The following PPFIBP1 variants were observed in gnomAD, a reference collection of about 807,000 sequenced individuals.
PPFIBP1 encodes the protein PPFIB scaffold protein 1.
Under a neutral mutation model 137.8 loss-of-function variants are expected in PPFIBP1, and 112 were observed. The ratio of observed to expected loss-of-function variants is 0.81; its 90% CI spans 0.70 to 0.95. The LOEUF (loss-of-function observed/expected upper bound fraction) is 0.95, where lower values mean the gene tolerates loss of function less well. PPFIBP1 is among the 40% of genes least tolerant of loss of function. PPFIBP1 has a pLI of 0.00. For synonymous variants in PPFIBP1, 378 were observed against 417.3 expected, an observed-to-expected ratio of 0.91 and a Z score of 1.15; for missense variants, 1,083 against 1,196.6, an observed-to-expected ratio of 0.91 and a Z score of 1.40.
At chr12:27,623,708 CA>C (rs540374642) in intron 2 of PPFIBP1, among the ~76,000 whole-genome samples, 1 of 149,444 alleles carries the variant, frequency 6.7e-6, no homozygotes, top group Non-Finnish European at 1.5e-5. Flanking sequence ...GACCTTGTCT[CA>C]AAAAAAACAA....
At chr12:27,657,516 T>C (rs2059280258) in intron 9 of PPFIBP1, among the ~76,000 whole-genome samples, 1 of 151,184 alleles carries the variant, frequency 6.6e-6, no homozygotes, top group South Asian at 2.1e-4. Flanking sequence ...CCAGTTAGCG[T>C]AGCTTTGTTA....
rs760963950 is a variant in PPFIBP1, at chr12:27,689,179, T to C, written c.2661T>C (p.Leu887=). ...CCATGGAGCTGCCGGATTATGTACT[T>C]CTAACAGCTACTGCCAAAGTGAAGG... The part of the protein sequence containing the change: ...RDAMELPDYV[L]LTATAKVKPK... The change falls in exon 27 of 30, where the codon CTT becomes CTC. Residue 887 remains leucine (L), a synonymous_variant. Coordinates refer to ENST00000228425, the MANE Select transcript of PPFIBP1 (RefSeq NM_003622.4). The C allele has an allele frequency of 3.9e-5, 62 of 1,576,894 alleles. No individual in the cohort carries two copies. In the Admixed American group the frequency reaches 1.2e-3, roughly 31 times the overall value.
intron 1 of PPFIBP1, among the ~76,000 whole-genome samples, chr12:27,562,737 G>A (rs897493735): frequency 3.3e-5 from 5 of 152,066 alleles, no homozygotes; most frequent in Admixed American, 3.3e-4. Flanking sequence ...TTCTCCCATT[G>A]CCAGCTCTTG....
At chr12:27,676,941 G>A (rs753996190) in intron 18 of PPFIBP1, 123 bp from the exon 19 acceptor site, 130 of 1,241,988 alleles carry the variant, frequency 1.0e-4, no homozygotes, top group East Asian at 4.7e-4. Context: ...ACTGTGTGCC[G>A]CATGCCTCTC....
intron 1 of PPFIBP1, among the ~76,000 whole-genome samples, chr12:27,568,613 C>T (rs1000642867): frequency 7.9e-5 from 12 of 152,296 alleles, no homozygotes; most frequent in Middle Eastern, 6.8e-3. Flanking sequence ...TTAACAGAGC[C>T]GGCTTCCCTA....
chr12:27,649,003 A>T (rs6487627), intron 6 of PPFIBP1, among the ~76,000 whole-genome samples: 44,342 of 152,134 alleles, frequency 0.29, 6,907 homozygotes, highest in African/African-American at 0.4. Context: ...ATAACTGGAT[A>T]GTTTGTAACA....
At chr12:27,624,567 T>C (rs1264087134) in intron 2 of PPFIBP1, among the ~76,000 whole-genome samples, 1 of 152,254 alleles carries the variant, frequency 6.6e-6, no homozygotes, top group African/African-American at 2.4e-5. Flanking sequence ...TACCTCATCC[T>C]ATTTTCCCTT....
At chr12:27,588,892 G>A (rs1297705476) in intron 2 of PPFIBP1, among the ~76,000 whole-genome samples, 1 of 152,182 alleles carries the variant, frequency 6.6e-6, no homozygotes, top group Non-Finnish European at 1.5e-5. Flanking sequence ...TTTTGTCTTG[G>A]TACTTCTTGA....
Position 27,542,424 on chromosome 12 carries a change from G to T in PPFIBP1, c.-124+18059G>T, listed in dbSNP as rs532055736. ...TTAAAAAGATTAAGTTGAGATTGGT[G>T]CAAAAGTAATTGCGGTTTTTGCCAT... On this transcript the variant is annotated intron_variant, in intron 1 of 29. Transcript: ENST00000228425. 1.8e-4 allele frequency among the ~76,000 whole-genome samples: 27 copies of T among 152,322 alleles called. No homozygotes were observed. In the South Asian group the frequency reaches 5.4e-3, roughly 30 times the overall value.
At chr12:27,633,742 T>C (rs2057423547) in intron 3 of PPFIBP1, among the ~76,000 whole-genome samples, 1 of 152,076 alleles carries the variant, frequency 6.6e-6, no homozygotes, top group African/African-American at 2.4e-5. Flanking sequence ...CTGTGGACCA[T>C]ACTTTGAGGG....
At chr12:27,570,381 T>A (rs879607858) in intron 1 of PPFIBP1, among the ~76,000 whole-genome samples, 5 of 152,156 alleles carry the variant, frequency 3.3e-5, no homozygotes, top group Admixed American at 3.3e-4. Context: ...TGACAGATCA[T>A]ATAGCTAAAA....
chr12:27,635,610 G>C (rs181438216), intron 4 of PPFIBP1: 106 of 170,784 alleles, frequency 6.2e-4, no homozygotes, highest in Middle Eastern at 3.1e-3. Flanking sequence ...TTAAATTGTG[G>C]AGTTGGGCCT....
intron 2 of PPFIBP1, among the ~76,000 whole-genome samples, chr12:27,626,505 G>A (rs1413834170): frequency 1.1e-4 from 17 of 152,098 alleles, no homozygotes; most frequent in Non-Finnish European, 1.2e-4. Flanking sequence ...GAAAAACACC[G>A]ATTGCTGGGC....
Position 27,635,088 on chromosome 12 carries a change from G to A in PPFIBP1, c.243G>A (p.Thr81=), listed in dbSNP as rs2075378. 550,138 of 1,613,634 alleles carry A rather than the reference G, an allele frequency of 0.34. 95,778 individuals are homozygous for A. Among genetic ancestry groups the A allele is most frequent in the South Asian group, 0.43 (39,188 of 91,076 alleles). The change falls in exon 4 of 30, where the codon ACG becomes ACA. Residue 81 remains threonine, a synonymous_variant. Transcript: ENST00000228425. ...AGATCCCAGATTCAACAGCAGAAACGCTTGTTGAATGGCTTCAGAGTCAAA... is the reference window on the plus strand; with the variant it reads ...AGATCCCAGATTCAACAGCAGAAACACTTGTTGAATGGCTTCAGAGTCAAA... ...RCQIPDSTAE[T]LVEWLQSQMT...
intron 1 of PPFIBP1, among the ~76,000 whole-genome samples, chr12:27,549,792 C>T (rs1458566540): frequency 3.3e-5 from 5 of 152,198 alleles, no homozygotes; most frequent in Non-Finnish European, 1.5e-5. Context: ...CACACAACTG[C>T]CCCGCCCTCT....
intron 14 of PPFIBP1, among the ~76,000 whole-genome samples, chr12:27,672,150 A>G (rs1028037314): frequency 1.3e-5 from 2 of 152,168 alleles, no homozygotes; most frequent in Admixed American, 6.5e-5. Context: ...ATTGTAAACT[A>G]AATAGTCACA....
intron 2 of PPFIBP1, among the ~76,000 whole-genome samples, chr12:27,601,570 G>A (rs2053996461): frequency 6.6e-6 from 1 of 152,218 alleles, no homozygotes; most frequent in Admixed American, 6.5e-5. Context: ...CAGTCTCTGA[G>A]TTATGTGTTT....
At chr12:27,593,717 A>G in intron 2 of PPFIBP1, 1 of 622,854 alleles carries the variant, frequency 1.6e-6, no homozygotes, top group Non-Finnish European at 2.8e-6. Flanking sequence ...CTCCATTTAG[A>G]AGCCTATTAG....
intron 7 of PPFIBP1, chr12:27,654,519 A>T: frequency 5.4e-6 from 3 of 551,496 alleles, no homozygotes; most frequent in Non-Finnish European, 8.6e-6. Context: ...GGGCAGACGC[A>T]TTGGGGATTT....
Sources: allele counts gnomAD v4.1 joint callset (sites outside exome capture counted in the v4.1 genomes callset), GRCh38; gene constraint gnomAD v4.1.1; transcripts MANE v1.5; gene names NCBI Gene and HGNC (gene_info 2026-07-23, HGNC 2026-07-21).